The following RAD51B variants were observed in gnomAD, a reference collection of about 807,000 sequenced individuals.
RAD51B encodes the protein DNA repair protein RAD51 homolog 2.
A neutral mutation model predicts 42.2 loss-of-function variants in RAD51B; 38 were observed. The ratio of observed to expected loss-of-function variants is 0.90; its 90% CI spans 0.70 to 1.18. The LOEUF is 1.18. Among genes scored for constraint, RAD51B ranks in the 50% most tolerant of loss-of-function variants. The pLI, the probability that RAD51B is intolerant of heterozygous loss-of-function variation, is 0.00. For synonymous variants in RAD51B, 154 were observed against 145.2 expected, an observed-to-expected ratio of 1.06 and a Z score of -0.43; for missense variants, 373 against 400.7, an observed-to-expected ratio of 0.93 and a Z score of 0.59.
intron 7 of RAD51B, among the ~76,000 whole-genome samples, chr14:68,233,238 C>T (rs926697844): frequency 6.6e-6 from 1 of 152,174 alleles, no homozygotes; most frequent in African/African-American, 2.4e-5. Context: ...AGAACAGCAA[C>T]AGTAAACACA....
intron 5 of RAD51B, among the ~76,000 whole-genome samples, chr14:67,874,145 G>A (rs1291347511): frequency 6.6e-6 from 1 of 151,832 alleles, no homozygotes; most frequent in Non-Finnish European, 1.5e-5. Context: ...GAAAACCCAG[G>A]AGATGATATA....
intron 10 of RAD51B, among the ~76,000 whole-genome samples, chr14:68,522,503 G>T (rs1024800708): frequency 1.3e-5 from 2 of 152,112 alleles, no homozygotes; most frequent in African/African-American, 4.8e-5. Flanking sequence ...CCGCTGGAAG[G>T]CTCCATAATC....
intron 7 of RAD51B, among the ~76,000 whole-genome samples, chr14:68,242,469 T>C (rs2080410307): frequency 6.6e-6 from 1 of 152,232 alleles, no homozygotes; most frequent in African/African-American, 2.4e-5. Flanking sequence ...TAATAAAAAT[T>C]TGTTGAAAAA....
At chr14:68,168,988 A>G (rs1173445272) in intron 7 of RAD51B, among the ~76,000 whole-genome samples, 1 of 152,190 alleles carries the variant, frequency 6.6e-6, no homozygotes, top group Admixed American at 6.5e-5. Context: ...GGACATAAGC[A>G]TACACCTCCA....
At chr14:68,138,236 G>C (rs2078051134) in intron 7 of RAD51B, among the ~76,000 whole-genome samples, 1 of 152,166 alleles carries the variant, frequency 6.6e-6, no homozygotes, top group African/African-American at 2.4e-5. Context: ...GGTGGTGAAA[G>C]ATGAAGTCTG....
At chr14:67,872,559 G>T (rs2042577861) in intron 5 of RAD51B, among the ~76,000 whole-genome samples, 1 of 146,764 alleles carries the variant, frequency 6.8e-6, no homozygotes, top group Admixed American at 6.8e-5. Context: ...AGCTACCAAT[G>T]ACTTTCTTCA....
chr14:68,610,106 C>A (rs1316631656), intron 10 of RAD51B, among the ~76,000 whole-genome samples: 3 of 152,176 alleles, frequency 2.0e-5, no homozygotes, highest in Admixed American at 6.5e-5. Context: ...TGCTTAGACA[C>A]CCTGCAGAAC....
Position 68,072,613 on chromosome 14 carries a change from G to A in RAD51B, c.756+185409G>A, listed in dbSNP as rs147260117. Among the ~76,000 whole-genome samples the A allele has an allele frequency of 2.8e-3, 431 of 152,196 alleles. 3 individuals are homozygous for A. Among genetic ancestry groups the A allele is most frequent in the Non-Finnish European group, 3.9e-3 (268 of 68,000 alleles). On this transcript the variant is annotated intron_variant, in intron 7 of 10. Transcript: ENST00000471583. ...ACAACACCCTCACAGACACATCCAGGATCAATATTGCATCCTTCAATCCAA... is the reference window on the plus strand; with the variant it reads ...ACAACACCCTCACAGACACATCCAGAATCAATATTGCATCCTTCAATCCAA...
At chr14:68,351,187 A>C (rs1221043413) in intron 8 of RAD51B, among the ~76,000 whole-genome samples, 1 of 152,224 alleles carries the variant, frequency 6.6e-6, no homozygotes, top group Non-Finnish European at 1.5e-5. Context: ...GCTAGAAATG[A>C]AGGGCAGACA....
chr14:68,415,486 A>G (rs1247389958), intron 9 of RAD51B, among the ~76,000 whole-genome samples: 1 of 152,218 alleles, frequency 6.6e-6, no homozygotes. Context: ...AAAAACAGGT[A>G]AGAGATGGTT....
chr14:68,134,402 C>T (rs554048857), intron 7 of RAD51B, among the ~76,000 whole-genome samples: 5 of 152,268 alleles, frequency 3.3e-5, no homozygotes, highest in African/African-American at 1.2e-4. Context: ...TAAAGCTGCT[C>T]TGAACCTTCA....
intron 7 of RAD51B, among the ~76,000 whole-genome samples, chr14:68,244,142 T>C (rs2080446803): frequency 6.6e-6 from 1 of 152,204 alleles, no homozygotes; most frequent in South Asian, 2.1e-4. Flanking sequence ...TGTATTGTTA[T>C]TGTTGCTGTG....
chr14:68,389,279 C>T (rs1375747254), intron 8 of RAD51B, among the ~76,000 whole-genome samples: 2 of 151,982 alleles, frequency 1.3e-5, no homozygotes, highest in Non-Finnish European at 2.9e-5. Context: ...TGACCCCATC[C>T]CACCCCTCCA....
At chr14:68,484,366 T>TTC (rs1883450998) in intron 10 of RAD51B, among the ~76,000 whole-genome samples, 1 of 149,830 alleles carries the variant, frequency 6.7e-6, no homozygotes, top group South Asian at 2.1e-4. Context: ...TTTCTTTTTT[T>TTC]TTTTTTTTTG....
chr14:68,200,735 C>T (rs2079467530), intron 7 of RAD51B, among the ~76,000 whole-genome samples: 1 of 152,100 alleles, frequency 6.6e-6, no homozygotes, highest in Non-Finnish European at 1.5e-5. Flanking sequence ...CTCACTGTAG[C>T]CTCAACCTTG....
At chr14:68,381,469 A>G (rs535771605) in intron 8 of RAD51B, among the ~76,000 whole-genome samples, 1 of 152,166 alleles carries the variant, frequency 6.6e-6, no homozygotes, top group East Asian at 1.9e-4. Flanking sequence ...AGGTCAGGAG[A>G]TCGAGACCAT....
intron 7 of RAD51B, among the ~76,000 whole-genome samples, chr14:68,058,609 G>A (rs1405360650): frequency 1.3e-5 from 2 of 152,012 alleles, no homozygotes; most frequent in Non-Finnish European, 2.9e-5. Flanking sequence ...CATTTTTTAA[G>A]GTTGTATAGT....
intron 11 of RAD51B, among the ~76,000 whole-genome samples, chr14:68,680,672 C>A (rs1417282028): frequency 6.6e-6 from 1 of 152,032 alleles, no homozygotes; most frequent in Non-Finnish European, 1.5e-5. Context: ...TCCTGATCCA[C>A]GCAAATCAAG....
chr14:67,998,764 GTC>G (rs1211446166), intron 7 of RAD51B, among the ~76,000 whole-genome samples: 1 of 152,054 alleles, frequency 6.6e-6, no homozygotes, highest in Non-Finnish European at 1.5e-5. Context: ...ATTCAATGAG[GTC>G]TCTCTCCTTT....
Sources: gnomAD v4.1 joint callset for allele counts (sites outside exome capture counted in the v4.1 genomes callset) on GRCh38, gnomAD v4.1.1 for gene constraint, MANE v1.5 for transcripts, NCBI Gene and HGNC (gene_info 2026-07-23, HGNC 2026-07-21) for gene names.